The following LPCAT2 variants were observed in gnomAD, a reference collection of about 807,000 sequenced individuals.
LPCAT2 encodes lysophosphatidylcholine acyltransferase 2.
LPCAT2 carries 58 observed loss-of-function variants against 64.7 expected under a neutral mutation model. The observed-to-expected ratio is 0.90, with a 90% CI of 0.73 to 1.12. The LOEUF (loss-of-function observed/expected upper bound fraction) is 1.12, where lower values mean the gene tolerates loss of function less well. LPCAT2 is among the 50% of genes most tolerant of loss of function. The pLI is 0.00. For synonymous variants in LPCAT2, 252 were observed against 245.3 expected, an observed-to-expected ratio of 1.03 and a Z score of -0.26; for missense variants, 579 against 669.8, an observed-to-expected ratio of 0.86 and a Z score of 1.50.
At chr16:55,577,132 C>G (rs1010642195) in intron 12 of LPCAT2, among the ~76,000 whole-genome samples, 2 of 152,138 alleles carry the variant, frequency 1.3e-5, no homozygotes, top group Non-Finnish European at 2.9e-5. Flanking sequence ...GATGTCGATT[C>G]ACTTTTCACT....
chr16:55,565,124 A>G (rs890131720), intron 11 of LPCAT2, among the ~76,000 whole-genome samples: 1 of 152,064 alleles, frequency 6.6e-6, no homozygotes, highest in Admixed American at 6.6e-5. Context: ...TCATTAGGGT[A>G]ATGCAAATCA....
intron 11 of LPCAT2, chr16:55,566,840 G>C (rs769706156): frequency 6.2e-7 from 1 of 1,613,868 alleles, no homozygotes; most frequent in Non-Finnish European, 8.5e-7. Flanking sequence ...GAGGTGGTCA[G>C]AGAAGAGAAG....
intron 11 of LPCAT2, among the ~76,000 whole-genome samples, chr16:55,569,249 C>G (rs550095876): frequency 4.6e-5 from 7 of 152,296 alleles, no homozygotes; most frequent in African/African-American, 1.7e-4. Flanking sequence ...ACATATAATT[C>G]TGAACTGAGC....
Position 55,583,046 on chromosome 16 carries a change from A to C in LPCAT2, c.1583A>C (p.Lys528Thr). The stretch of plus-strand genomic sequence containing the variant: ...ACAACCCCCTCCACCGCCAGTAATA[A>C]AGTCAGCCCTGAAAAGCATGAAGAG... ...VQTTPSTASN[K>T]VSPEKHEEST... Residue 528 changes from lysine to threonine, a missense_variant, in exon 14 of 14, where the codon AAA becomes ACA. Physicochemically the swap from Lys to Thr is moderately conservative, Grantham distance 78. Coordinates refer to ENST00000262134, the MANE Select transcript of LPCAT2 (RefSeq NM_017839.5). 4.3e-6 allele frequency: 7 copies of C among 1,613,884 alleles called. No homozygotes were observed. Among genetic ancestry groups the C allele is most frequent in the Non-Finnish European group, 5.9e-6 (7 of 1,179,856 alleles).
rs1963642888 is a variant in LPCAT2 at position 55,562,098 on chromosome 16, G to A, written c.1215+10996G>A. ...CAGTAGTTTCTACAATTACTTGTGA[G>A]AGAGACTCTGCCACATAGCAGTTCA... On this transcript the variant is annotated intron_variant, in intron 11 of 13. Coordinates refer to ENST00000262134, the MANE Select transcript of LPCAT2 (RefSeq NM_017839.5). Among the ~76,000 whole-genome samples, 3 of 151,860 alleles carry A rather than the reference G, an allele frequency of 2.0e-5. No homozygotes were observed. In the South Asian group the frequency reaches 6.2e-4, roughly 31 times the overall value.
At position 55,579,155 on chromosome 16, in the gene LPCAT2, C is replaced by T. The variant is rs1319427156; in HGVS notation, c.1361C>T (p.Ser454Phe). 6.2e-7 allele frequency: 1 copy of T among 1,613,510 alleles called. No homozygotes were observed. Among genetic ancestry groups the T allele is most frequent in the East Asian group, 2.2e-5 (1 of 44,850 alleles). The change falls in exon 13 of 14, where the codon TCC (serine) becomes TTC (phenylalanine). Residue 454 changes from serine to phenylalanine, a missense_variant. Transcript: ENST00000262134. ...GGCTACATAACGGAGGAAGAGTTCT[C>T]CACCATTCTACAGGCTTCCCTTGGA... Reference protein sequence around the residue: ...EDGYITEEEFSTILQASLGVP... With the variant: ...EDGYITEEEFFTILQASLGVP...
At chr16:55,525,782 C>T in intron 2 of LPCAT2, 135 bp downstream of exon 2, 1 of 486,820 alleles carries the variant, frequency 2.1e-6, no homozygotes, top group Non-Finnish European at 3.3e-6. Flanking sequence ...TCTGCCTACT[C>T]AATAATAAAT....
chr16:55,566,793 C>G, intron 11 of LPCAT2: 1 of 1,613,532 alleles, frequency 6.2e-7, no homozygotes, highest in East Asian at 2.2e-5. Flanking sequence ...AGGAGCAGAT[C>G]GAGGTCTTGG....
chr16:55,542,763 G>A (rs142174451), intron 8 of LPCAT2, among the ~76,000 whole-genome samples: 77 of 152,160 alleles, frequency 5.1e-4, no homozygotes, highest in African/African-American at 1.8e-3. Flanking sequence ...GACCAGATTA[G>A]GGAAGAAATA....
intron 11 of LPCAT2, among the ~76,000 whole-genome samples, chr16:55,557,517 A>G (rs1271087405): frequency 6.6e-6 from 1 of 152,216 alleles, no homozygotes; most frequent in African/African-American, 2.4e-5. Context: ...CTCTCAGGGT[A>G]GTTTATCTTG....
chr16:55,512,163 G>A (rs966021343), intron 1 of LPCAT2, among the ~76,000 whole-genome samples: 30 of 152,072 alleles, frequency 2.0e-4, no homozygotes, highest in African/African-American at 5.8e-4. Context: ...TACCTAATAC[G>A]TATTCTGTTT....
Position 55,583,096 on chromosome 16 carries a change from T to G in LPCAT2, c.1633T>G (p.Ter545GlyextTer6). 6.2e-7 allele frequency: 1 copy of G among 1,610,426 alleles called. No individual in the cohort carries two copies. The highest frequency in any genetic ancestry group is 8.5e-7 in the Non-Finnish European group (1 of 1,177,878). ...GAGTACCTCAGACAAAAAAGATGAC[T>G]GAAAGCAGTATTTCCAATAAGGAAA... is the stretch of plus-strand genomic sequence containing the variant. The part of the protein sequence containing the change: ...EESTSDKKDD[*>G] Residue 545 changes from the stop codon to glycine, a stop_lost, in exon 14 of 14, where the codon TGA becomes GGA. Coordinates refer to ENST00000262134, the MANE Select transcript of LPCAT2 (RefSeq NM_017839.5).
rs939235336 is a variant in LPCAT2 at position 55,528,704 on chromosome 16, T to A, written c.529+110T>A. The A allele has an allele frequency of 6.3e-6, 5 of 788,968 alleles. No individual in the cohort carries two copies. In the African/African-American group the frequency reaches 7.0e-5, roughly 11 times the overall value. The allele number at this position is 788,968 out of a possible 1,614,324, so 48.9% of individuals were successfully genotyped here. On this transcript the variant is annotated intron_variant, in intron 3 of 13. Coordinates refer to ENST00000262134, the MANE Select transcript of LPCAT2 (RefSeq NM_017839.5). The stretch of plus-strand genomic sequence containing the variant: ...CTTTTTAAAAAGTTTAAAATAAACA[T>A]TTCAAACATATTTACTTTATTGTAA...
chr16:55,573,318 G>C (rs1410191069), intron 11 of LPCAT2, among the ~76,000 whole-genome samples: 4 of 152,026 alleles, frequency 2.6e-5, no homozygotes, highest in African/African-American at 9.7e-5. Context: ...TCTTGCCTTA[G>C]TGTTTTAAAG....
intron 11 of LPCAT2, among the ~76,000 whole-genome samples, chr16:55,564,167 CT>C (rs1355546120): frequency 2.0e-5 from 3 of 151,870 alleles, no homozygotes; most frequent in South Asian, 2.1e-4. Context: ...GACTTGTACA[CT>C]GAAAACTACA....
chr16:55,574,550 T>C, intron 11 of LPCAT2, 81 bp from the exon 12 acceptor site: 1 of 941,206 alleles, frequency 1.1e-6, no homozygotes, highest in Non-Finnish European at 1.8e-6. Context: ...CTATAAGACA[T>C]ACCTGAATTT....
intron 6 of LPCAT2, among the ~76,000 whole-genome samples, chr16:55,533,834 G>T (rs1011899902): frequency 6.6e-6 from 1 of 152,098 alleles, no homozygotes; most frequent in Non-Finnish European, 1.5e-5. Flanking sequence ...ATTTTTGAGG[G>T]AATGTTTTGG....
Position 55,525,650 on chromosome 16 carries a change from A to G in LPCAT2, c.311+3A>G, listed in dbSNP as rs759938273. The stretch of plus-strand genomic sequence containing the variant: ...CACCCAATAACTGGTTGGAGGAGGT[A>G]AGAAATAATTTTGTCCAAAATATTA... On this transcript the variant is annotated splice_donor_region_variant and intron_variant, in intron 2 of 13. Transcript: ENST00000262134. The G allele has an allele frequency of 3.1e-6, 5 of 1,594,776 alleles. No individual in the cohort carries two copies. Among genetic ancestry groups the G allele is most frequent in the South Asian group, 2.3e-5 (2 of 87,000 alleles).
intron 10 of LPCAT2, 28 bp from the exon 11 acceptor site, chr16:55,550,921 A>G (rs1486434184): frequency 1.3e-6 from 2 of 1,527,022 alleles, no homozygotes; most frequent in East Asian, 2.3e-5. Context: ...GGCTAATAAC[A>G]TGTATCTATA....
Sources: gnomAD v4.1 joint callset for allele counts (sites outside exome capture counted in the v4.1 genomes callset) on GRCh38, gnomAD v4.1.1 for gene constraint, MANE v1.5 for transcripts, NCBI Gene and HGNC (gene_info 2026-07-23, HGNC 2026-07-21) for gene names.